EIF4G1: variants seen among roughly 807,000 people sequenced by gnomAD.
The protein encoded by EIF4G1 is eukaryotic translation initiation factor 4 gamma 1.
A neutral mutation model predicts 187.8 loss-of-function variants in EIF4G1; 4 were observed. The ratio of observed to expected loss-of-function variants is 0.02; its 90% CI spans 0.01 to 0.05. EIF4G1 has a LOEUF of 0.05. EIF4G1 is among the 10% of genes least tolerant of loss of function. The pLI is 1.00. For missense variants in EIF4G1, 1,647 were observed against 2,081.1 expected (o/e 0.79, Z 4.06); for synonymous variants, 844 against 781.4 (o/e 1.08, Z -1.34).
In EIF4G1 at chr3:184,331,347, G is replaced by A. The variant is rs764923473; in HGVS notation, c.4243G>A (p.Ala1415Thr). ...TCTACCTGAAGGCCAGGACATTGGT[G>A]CATTCGTCGCTGAACAGGTTTGGGG... is the stretch of plus-strand genomic sequence containing the variant. ...EFLPEGQDIG[A>T]FVAEQKVEYT... The change falls in exon 29 of 33, where the codon GCA becomes ACA. Residue 1415 changes from alanine (A) to threonine (T), a missense_variant. This residue lies in a region of EIF4G1 where 543 missense variants were observed against 638.0 expected (regional missense o/e 0.85). Coordinates refer to ENST00000346169, the MANE Select transcript of EIF4G1 (RefSeq NM_198241.3). 3.1e-6 allele frequency: 5 copies of A among 1,614,204 alleles called. No homozygotes were observed. The highest frequency in any genetic ancestry group is 3.4e-6 in the Non-Finnish European group (4 of 1,180,038).
Position 184,328,529 on chromosome 3 carries a change from T to C in EIF4G1, c.3954-102T>C. 3 of 1,528,664 alleles carry C rather than the reference T, an allele frequency of 2.0e-6. No individual in the cohort carries two copies. The South Asian group carries it at 3.4e-5, about 17-fold the overall frequency. 94.7% of individuals were successfully genotyped at this position (1,528,664 alleles called of 1,614,324 possible). A position where few individuals can be genotyped will look rare whatever the true frequency, so the allele number is the denominator to read the frequency against. ...TAATTGTCCCCATGTCTAGAAAATG[T>C]TCCTGGGGGTTCCATAGTTGATGCC... On this transcript the variant is annotated intron_variant, in intron 26 of 32. Transcript: ENST00000346169.
At position 184,326,513 on chromosome 3, in the gene EIF4G1, C is replaced by CT. The variant is rs753829399; in HGVS notation, c.3223-10dup. ...GGGTTGGACCTATGATTCTACTCCC[C>CT]TTTTCTTCTTCAGCCTGGCTCCATC... On this transcript the variant is annotated splice_polypyrimidine_tract_variant and intron_variant, in intron 21 of 32. Coordinates refer to ENST00000346169, the MANE Select transcript of EIF4G1 (RefSeq NM_198241.3). 4 of 1,613,844 alleles carry CT rather than the reference C, an allele frequency of 2.5e-6. No homozygotes were observed. The highest frequency in any genetic ancestry group is 3.4e-6 in the Non-Finnish European group (4 of 1,179,990).
intron 4 of EIF4G1, 72 bp from the exon 5 acceptor site, chr3:184,317,249 C>T: frequency 6.5e-7 from 1 of 1,534,856 alleles, no homozygotes; most frequent in Non-Finnish European, 9.0e-7. Flanking sequence ...GCTATAGAGA[C>T]ATTGTGGAGT....
At chr3:184,328,434 T>C in intron 26 of EIF4G1, 197 bp from the exon 27 acceptor site, 2 of 784,510 alleles carry the variant, frequency 2.5e-6, no homozygotes, top group Non-Finnish European at 4.3e-6. Flanking sequence ...ACCATCCTGG[T>C]CAGCATAACT....
chr3:184,319,913 G>C (rs746682769), intron 7 of EIF4G1, 112 bp downstream of exon 7: 1 of 807,200 alleles, frequency 1.2e-6, no homozygotes, highest in Non-Finnish European at 2.1e-6. Flanking sequence ...GGAGCTGAGA[G>C]TGGGCAGAGA....
intron 21 of EIF4G1, among the ~76,000 whole-genome samples, 187 bp downstream of exon 21, chr3:184,326,138 A>ACT (rs1491209794): frequency 1.9e-5 from 1 of 53,738 alleles, no homozygotes. Context: ...TGTTTGGCAA[A>ACT]CACACACACA....
rs777853448 is a variant in EIF4G1, at chr3:184,331,301, C to A, written c.4197C>A (p.Ala1399=). ...AGGTGGGGACGCTGTGGCGAGAAGC[C>A]GGGCTTAGCTGGAAGGAATTTCTAC... The part of the protein sequence containing the change: ...PKKVGTLWRE[A]GLSWKEFLPE... Residue 1399 remains alanine (A), a synonymous_variant, in exon 29 of 33, where the codon GCC becomes GCA. Transcript: ENST00000346169. The A allele has an allele frequency of 1.9e-6, 3 of 1,614,156 alleles. No homozygotes were observed. The Admixed American group carries it at 5.0e-5, about 27-fold the overall frequency.
intron 6 of EIF4G1, among the ~76,000 whole-genome samples, chr3:184,318,076 G>A (rs758792945): frequency 1.3e-5 from 2 of 152,178 alleles, no homozygotes; most frequent in Non-Finnish European, 2.9e-5. Context: ...GAGCCTATTA[G>A]TAGGCTTTCC....
intron 7 of EIF4G1, 93 bp from the exon 8 acceptor site, chr3:184,320,537 G>A: frequency 6.2e-7 from 1 of 1,606,142 alleles, no homozygotes; most frequent in Non-Finnish European, 8.5e-7. Context: ...CCCGCTGGGG[G>A]GTGGGGAGTT....
Position 184,325,865 on chromosome 3 carries a change from C to G in EIF4G1, c.3136C>G (p.Leu1046Val), listed in dbSNP as rs267599714. 6.2e-7 allele frequency: 1 copy of G among 1,614,106 alleles called. No individual in the cohort carries two copies. The highest frequency in any genetic ancestry group is 1.1e-5 in the South Asian group (1 of 91,082). The change falls in exon 21 of 33, where the codon CTT (leucine) becomes GTT (valine). Residue 1046 changes from leucine to valine, a missense_variant. Physicochemically the swap from Leu to Val is conservative, Grantham distance 32. Transcript: ENST00000346169. The surrounding 1 kb of genome is among the most constrained non-coding windows in gnomAD (Gnocchi z 5.2). ...PGPPISRGLPLVDDGGWNTVP... is the reference protein window; with the variant it reads ...PGPPISRGLPVVDDGGWNTVP... ...TTTTGTGTCAGGCCGTGGACTTCCC[C>G]TTGTGGATGATGGTGGCTGGAACAC... is the stretch of plus-strand genomic sequence containing the variant.
At chr3:184,330,903 C>G (rs1261383987) in intron 28 of EIF4G1, among the ~76,000 whole-genome samples, 6 of 152,058 alleles carry the variant, frequency 3.9e-5, no homozygotes, top group African/African-American at 7.2e-5. Context: ...CCACGCCTGG[C>G]TAATTTTTGT....
intron 26 of EIF4G1, 103 bp downstream of exon 26, chr3:184,328,105 C>A: frequency 2.1e-6 from 3 of 1,397,422 alleles, no homozygotes; most frequent in African/African-American, 1.4e-5. Context: ...GTTCCCTGGC[C>A]GGGTGTGGTG....
chr3:184,324,325 A>G lies in EIF4G1; in HGVS notation c.2597A>G (p.Lys866Arg). 1 of 1,614,226 alleles carries G rather than the reference A, an allele frequency of 6.2e-7. No individual in the cohort carries two copies. The highest frequency in any genetic ancestry group is 8.5e-7 in the Non-Finnish European group (1 of 1,180,042). The change falls in exon 17 of 33, where the codon AAA (lysine) becomes AGA (arginine). Residue 866 changes from lysine (K) to arginine (R), a missense_variant. Physicochemically the swap from Lys to Arg is conservative, Grantham distance 26. Transcript: ENST00000346169. ...GATGAGGTTTTTGAGAAGAAGCAAAAAGAGATGGATGAAGCTGCTACGGTG... is the reference window on the plus strand; with the variant it reads ...GATGAGGTTTTTGAGAAGAAGCAAAGAGAGATGGATGAAGCTGCTACGGTG... ...DDDEVFEKKQKEMDEAATAEE... is the reference protein window; with the variant it reads ...DDDEVFEKKQREMDEAATAEE...
intron 17 of EIF4G1, 107 bp downstream of exon 17, chr3:184,324,454 T>G: frequency 6.4e-7 from 1 of 1,550,474 alleles, no homozygotes; most frequent in South Asian, 1.1e-5. Flanking sequence ...TCTTGGGGAT[T>G]TCTCTGGCTC....
rs763780258 is a variant in EIF4G1, at chr3:184,334,806, C to G, written c.4698C>G (p.Ser1566Arg). 1.9e-6 allele frequency: 3 copies of G among 1,614,210 alleles called. No homozygotes were observed. Among genetic ancestry groups the G allele is most frequent in the Non-Finnish European group, 2.5e-6 (3 of 1,180,032 alleles). ...KEDAFYSWES[S>R]KDPAEQQGKG... ...ATGCCTTCTACAGTTGGGAGAGTAG[C>G]AAGGACCCCGCTGAGCAGCAGGGCA... is the stretch of plus-strand genomic sequence containing the variant. Residue 1566 changes from serine to arginine, a missense_variant, in exon 33 of 33, where the codon AGC becomes AGG. Ser to Arg is a moderately radical substitution (Grantham distance 110). Around this residue, in one of 11 missense-constraint regions of EIF4G1, gnomAD observed 543 missense variants for 638.0 expected, o/e 0.85. Transcript: ENST00000346169. This position sits in a 1 kb window ranked among gnomAD's most constrained non-coding sequence, Gnocchi z 5.8.
intron 5 of EIF4G1, 44 bp from the exon 6 acceptor site, chr3:184,317,673 T>C (rs1473679906): frequency 6.4e-7 from 1 of 1,571,856 alleles, no homozygotes; most frequent in Admixed American, 1.7e-5. Context: ...ATGGAACTCA[T>C]AGCTCCCTCA....
intron 12 of EIF4G1, 28 bp downstream of exon 12, chr3:184,322,758 C>T: frequency 6.2e-7 from 1 of 1,614,174 alleles, no homozygotes; most frequent in Non-Finnish European, 8.5e-7. Context: ...TTGAGAATGG[C>T]TTGAGTTTTC....
rs1259899394 is a variant in EIF4G1 at position 184,331,548 on chromosome 3, A to G, written c.4337A>G (p.Gln1446Arg). 1 of 1,598,358 alleles carries G rather than the reference A, an allele frequency of 6.3e-7. No individual in the cohort carries two copies. The highest frequency in any genetic ancestry group is 1.4e-5 in the African/African-American group (1 of 73,308). The stretch of plus-strand genomic sequence containing the variant: ...CTCCCCTCCGAGGAGCTGAACAGGC[A>G]GCTGGAGAAGCTGCTGAAGGAGGGC... ...RALPSEELNR[Q>R]LEKLLKEGSS... The change falls in exon 30 of 33, where the codon CAG becomes CGG. Residue 1446 changes from glutamine (Q) to arginine (R), a missense_variant. Gln to Arg is a conservative substitution (Grantham distance 43, BLOSUM62 1). This residue lies in a region of EIF4G1 where 543 missense variants were observed against 638.0 expected (regional missense o/e 0.85). Coordinates refer to ENST00000346169, the MANE Select transcript of EIF4G1 (RefSeq NM_198241.3).
In EIF4G1 at chr3:184,322,552, G is replaced by C. The variant is rs200554105; in HGVS notation, c.1617G>C (p.Pro539=). Residue 539 remains proline, a synonymous_variant, in exon 12 of 33, where the codon CCG becomes CCC. Coordinates refer to ENST00000346169, the MANE Select transcript of EIF4G1 (RefSeq NM_198241.3). ...DLLDAFKEAN[P]AVPEVENQPP... is the part of the protein sequence containing the mutation. ...ATGTTCTGTTGTTCTAGGCGAACCC[G>C]GCAGTACCAGAGGTGGAAAATCAGC... is the stretch of plus-strand genomic sequence containing the variant. The C allele has an allele frequency of 5.6e-6, 9 of 1,614,102 alleles. No individual in the cohort carries two copies. The South Asian group carries it at 9.9e-5, about 18-fold the overall frequency.
Sources: gnomAD v4.1 joint callset for allele counts (sites outside exome capture counted in the v4.1 genomes callset) on GRCh38, gnomAD v4.1.1 for gene constraint, gnomAD v4.1.1 regional missense constraint, Gnocchi (gnomAD v3.1) non-coding constraint, MANE v1.5 for transcripts, NCBI Gene and HGNC (gene_info 2026-07-23, HGNC 2026-07-21) for gene names.